Variants in TNMD observed in about 807,000 individuals in gnomAD.
TNMD encodes the protein tenomodulin.
Under a neutral mutation model 26.9 loss-of-function variants are expected in TNMD, and 15 were observed. The ratio of observed to expected loss-of-function variants is 0.56; its 90% CI spans 0.37 to 0.86. The LOEUF is 0.86. Ranked by LOEUF, TNMD falls within the 40% of genes least tolerant of loss-of-function variation. TNMD has a pLI of 0.00. For missense variants in TNMD, 222 were observed against 242.6 expected (o/e 0.92, Z 0.56); for synonymous variants, 73 against 77.0 (o/e 0.95, Z 0.27).
intron 2 of TNMD, among the ~76,000 whole-genome samples, chrX:100,591,554 A>G (rs892676174): frequency 2.7e-5 from 3 of 111,386 alleles, no homozygotes; most frequent in African/African-American, 9.8e-5. Flanking sequence ...CCATCTCCAA[A>G]CAGTCCAAAG....
At chrX:100,589,999 T>C (rs1362891006) in intron 2 of TNMD, among the ~76,000 whole-genome samples, 5 of 112,085 alleles carry the variant, frequency 4.5e-5, no homozygotes, top group African/African-American at 1.6e-4. Flanking sequence ...AAGTAGCTTT[T>C]TCTTGTTGAA....
At chrX:100,587,300 G>A (rs1234603606) in intron 2 of TNMD, among the ~76,000 whole-genome samples, 1 of 111,857 alleles carries the variant, frequency 8.9e-6, no homozygotes, top group Non-Finnish European at 1.9e-5. Flanking sequence ...TGATTATAAG[G>A]AGCAATCCTA....
chrX:100,585,648 C>A (rs1602684055), intron 2 of TNMD, among the ~76,000 whole-genome samples: 1 of 111,816 alleles, frequency 8.9e-6, no homozygotes, highest in Non-Finnish European at 1.9e-5. Flanking sequence ...CTCCTAGGAG[C>A]AAAGTTTTTA....
rs774691966 is a variant in TNMD, at chrX:100,599,631, C to A, written c.868C>A (p.Pro290Thr). 1.7e-6 allele frequency: 2 copies of A among 1,211,719 alleles called. No individual in the cohort carries two copies. The highest frequency in any genetic ancestry group is 4.3e-5 in the Admixed American group (2 of 46,027). Residue 290 changes from proline to threonine, a missense_variant, in exon 7 of 7, where the codon CCA (proline) becomes ACA (threonine). By Grantham distance (38) the Pro-to-Thr change is conservative. Transcript: ENST00000373031. ...ACCTTTACTAGGCTACTACCCATAT[C>A]CATACTGCTACCAAGGAGGACGAGT... ...CEPLLGYYPY[P>T]YCYQGGRVIC...
At position 100,586,516 on chromosome X, in the gene TNMD, A is replaced by T. The variant is rs757318924; in HGVS notation, c.180+1154A>T. 7.2e-5 allele frequency among the ~76,000 whole-genome samples: 8 copies of T among 111,730 alleles called. No individual in the cohort carries two copies. In the South Asian group the frequency reaches 2.6e-3, roughly 37 times the overall value. On this transcript the variant is annotated intron_variant, in intron 2 of 6. Transcript: ENST00000373031. ...TGGCTAAGTGTCTGAAAGATAACAG[A>T]GGTATAAAGCATAACCACCCTTGGG...
chrX:100,591,555 C>T (rs1224602521), intron 2 of TNMD, among the ~76,000 whole-genome samples: 1 of 111,608 alleles, frequency 9.0e-6, no homozygotes, highest in Admixed American at 9.5e-5. Context: ...CATCTCCAAA[C>T]AGTCCAAAGT....
intron 4 of TNMD, among the ~76,000 whole-genome samples, chrX:100,597,020 T>C (rs182899936): frequency 1.4e-3 from 157 of 112,393 alleles, no homozygotes; most frequent in African/African-American, 4.8e-3. Flanking sequence ...AACCAAAATA[T>C]TAGATTACAT....
intron 6 of TNMD, 88 bp from the exon 7 acceptor site, chrX:100,599,420 C>A: frequency 1.2e-6 from 1 of 849,719 alleles, no homozygotes; most frequent in Non-Finnish European, 1.7e-6. Context: ...CCAACTCATA[C>A]AGTCTTCTAG....
intron 2 of TNMD, among the ~76,000 whole-genome samples, chrX:100,588,007 T>G (rs1342499948): frequency 9.0e-6 from 1 of 111,703 alleles, no homozygotes; most frequent in Non-Finnish European, 1.9e-5. Context: ...GTGATTTGTT[T>G]GCAGTCCTGG....
At chrX:100,592,078 G>C (rs1159004606) in intron 2 of TNMD, among the ~76,000 whole-genome samples, 1 of 111,342 alleles carries the variant, frequency 9.0e-6, no homozygotes, top group Non-Finnish European at 1.9e-5. Flanking sequence ...TCCATCAGTG[G>C]TGCTACTGAT....
chrX:100,594,487 T>C (rs1331198416), intron 4 of TNMD, 125 bp downstream of exon 4: 2 of 391,110 alleles, frequency 5.1e-6, no homozygotes, highest in African/African-American at 5.2e-5. Flanking sequence ...ATAGATACTA[T>C]TGTTATCATC....
At chrX:100,587,230 A>T (rs7884624) in intron 2 of TNMD, among the ~76,000 whole-genome samples, 1,124 of 112,173 alleles carry the variant, frequency 0.01, 12 homozygotes, top group African/African-American at 0.035. Context: ...TTGCAGCTTC[A>T]TGGTCTCCTC....
intron 2 of TNMD, among the ~76,000 whole-genome samples, chrX:100,589,495 T>C (rs371573926): frequency 9.0e-6 from 1 of 111,323 alleles, no homozygotes; most frequent in East Asian, 2.8e-4. Context: ...CCAGCAATTA[T>C]GTGGAGCCAG....
intron 2 of TNMD, among the ~76,000 whole-genome samples, chrX:100,590,807 C>G (rs1480518990): frequency 8.9e-6 from 1 of 111,807 alleles, no homozygotes; most frequent in Non-Finnish European, 1.9e-5. Flanking sequence ...CAAATATCTC[C>G]CATTCCTCGT....
intron 2 of TNMD, among the ~76,000 whole-genome samples, chrX:100,588,235 C>T (rs2082927474): frequency 1.8e-5 from 2 of 111,516 alleles, no homozygotes; most frequent in South Asian, 7.5e-4. Context: ...CCATGCTTGA[C>T]CTCCTCCCCT....
chrX:100,584,974 T>C lies in TNMD; in HGVS notation c.-45T>C. Reference sequence around the variant, plus strand: ...GCAACTCCACCTCAGCAGTGGTCTCTCAGTCCTCTCAAAGCAAGGAAAGAG... The same window carrying C: ...GCAACTCCACCTCAGCAGTGGTCTCCCAGTCCTCTCAAAGCAAGGAAAGAG... On this transcript the variant is annotated 5_prime_UTR_variant, in exon 1 of 7. Transcript: ENST00000373031. The C allele has an allele frequency of 1.7e-6, 2 of 1,173,384 alleles. No individual in the cohort carries two copies. The highest frequency in any genetic ancestry group is 2.3e-6 in the Non-Finnish European group (2 of 871,180).
At chrX:100,595,449 C>CTCTT (rs3086928) in intron 4 of TNMD, among the ~76,000 whole-genome samples, 43,647 of 105,823 alleles carry the variant, frequency 0.41, 7,515 homozygotes, top group East Asian at 0.67. Flanking sequence ...CTATAAAAAC[C>CTCTT]TCTTTCTTTC....
intron 4 of TNMD, among the ~76,000 whole-genome samples, chrX:100,596,479 A>T (rs1300444070): frequency 8.9e-6 from 1 of 112,134 alleles, no homozygotes; most frequent in Non-Finnish European, 1.9e-5. Flanking sequence ...CCTTCAAGTA[A>T]ATCTTGTTTT....
At chrX:100,597,123 A>G (rs186364081) in intron 4 of TNMD, among the ~76,000 whole-genome samples, 1 of 112,512 alleles carries the variant, frequency 8.9e-6, no homozygotes, top group Non-Finnish European at 1.9e-5. Flanking sequence ...AACCTAAAAT[A>G]AGGCAGGCTA....
Sources: gnomAD v4.1 joint callset for allele counts (sites outside exome capture counted in the v4.1 genomes callset) on GRCh38, gnomAD v4.1.1 for gene constraint, MANE v1.5 for transcripts, NCBI Gene and HGNC (gene_info 2026-07-23, HGNC 2026-07-21) for gene names.